Variants in CSK observed in about 807,000 individuals in gnomAD.
CSK encodes tyrosine-protein kinase CSK.
CSK carries 7 observed loss-of-function variants against 62.3 expected under a neutral mutation model. The ratio of observed to expected loss-of-function variants is 0.11; its 90% CI spans 0.06 to 0.21. The LOEUF is 0.21. CSK is among the 10% of genes least tolerant of loss of function. CSK has a pLI of 1.00. For synonymous variants in CSK, 237 were observed against 246.0 expected, an observed-to-expected ratio of 0.96 and a Z score of 0.34; for missense variants, 294 against 613.5, an observed-to-expected ratio of 0.48 and a Z score of 5.50.
intron 1 of CSK, among the ~76,000 whole-genome samples, chr15:74,796,622 A>T (rs2063710549): frequency 6.6e-6 from 1 of 151,948 alleles, no homozygotes; most frequent in Non-Finnish European, 1.5e-5. Flanking sequence ...AAAGAAAAAG[A>T]AAAAATCCAT....
chr15:74,787,777 G>A (rs2063546266), intron 1 of CSK, among the ~76,000 whole-genome samples: 1 of 152,082 alleles, frequency 6.6e-6, no homozygotes, highest in Admixed American at 6.5e-5. Flanking sequence ...TAAGCCTCGT[G>A]GGCAGGCGAA....
At position 74,782,481 on chromosome 15, in the gene CSK, C is replaced by G. The variant is rs1282833120; in HGVS notation, c.-305C>G. The G allele has an allele frequency of 6.6e-6, 1 of 151,862 alleles. No homozygotes were observed. The highest frequency in any genetic ancestry group is 6.6e-5 in the Admixed American group (1 of 15,266). The allele number at this position is 151,862 out of a possible 1,614,324, so 9.4% of individuals were successfully genotyped here. ...CCGCGCCGGCTACATTGTTTCCTCC[C>G]CCCGACTCCCTCCCGCCCCCTTCCC... On this transcript the variant is annotated 5_prime_UTR_variant, in exon 1 of 13. Coordinates refer to ENST00000220003, the MANE Select transcript of CSK (RefSeq NM_004383.3). The surrounding 1 kb of genome is among the most constrained non-coding windows in gnomAD (Gnocchi z 5.7).
intron 9 of CSK, 80 bp from the exon 10 acceptor site, chr15:74,801,442 C>A: frequency 7.0e-7 from 1 of 1,430,224 alleles, no homozygotes; most frequent in Non-Finnish European, 9.6e-7. Context: ...AGTGTCAACA[C>A]CCACCCGGCC....
intron 1 of CSK, among the ~76,000 whole-genome samples, chr15:74,795,127 C>T (rs1567217135): frequency 6.6e-6 from 1 of 152,110 alleles, no homozygotes; most frequent in Non-Finnish European, 1.5e-5. Flanking sequence ...TTTGCTCAGA[C>T]TGCTGCATCA....
At chr15:74,787,784 C>T (rs1015727503) in intron 1 of CSK, among the ~76,000 whole-genome samples, 13 of 152,078 alleles carry the variant, frequency 8.5e-5, no homozygotes, top group East Asian at 7.7e-4. Context: ...CGTGGGCAGG[C>T]GAAAACCTGG....
chr15:74,789,819 A>G (rs561786877), intron 1 of CSK, among the ~76,000 whole-genome samples: 8 of 152,116 alleles, frequency 5.3e-5, no homozygotes, highest in African/African-American at 9.6e-5. Flanking sequence ...CTCACAATCT[A>G]TTGAGGCACT....
Position 74,798,900 on chromosome 15 carries a change from G to A in CSK, c.204G>A (p.Arg68=). Residue 68 remains arginine (R), a synonymous_variant, in exon 4 of 13, where the codon CGG becomes CGA. Transcript: ENST00000220003. The surrounding 1 kb of genome is among the most constrained non-coding windows in gnomAD (Gnocchi z 6.6). ...TCCCAGCCAACTACGTCCAGAAGCGGGAGGGCGTGAAGGCGGGTACCAAAC... is the reference window on the plus strand; with the variant it reads ...TCCCAGCCAACTACGTCCAGAAGCGAGAGGGCGTGAAGGCGGGTACCAAAC... ...GIIPANYVQK[R]EGVKAGTKLS... is the part of the protein sequence containing the mutation. 6.5e-7 allele frequency: 1 copy of A among 1,541,690 alleles called. No homozygotes were observed. Among genetic ancestry groups the A allele is most frequent in the Non-Finnish European group, 8.7e-7 (1 of 1,145,170 alleles).
chr15:74,782,780 T>TA lies in CSK; in HGVS notation c.-66+61dup, dbSNP rs1465270765. 6.6e-6 allele frequency: 1 copy of TA among 152,468 alleles called. No individual in the cohort carries two copies. The highest frequency in any genetic ancestry group is 1.5e-5 in the Non-Finnish European group (1 of 68,254). 9.4% of individuals were successfully genotyped at this position (152,468 alleles called of 1,614,324 possible). On this transcript the variant is annotated intron_variant, in intron 1 of 12. Coordinates refer to ENST00000220003, the MANE Select transcript of CSK (RefSeq NM_004383.3). The surrounding 1 kb of genome is among the most constrained non-coding windows in gnomAD (Gnocchi z 5.7). ...GGGAAGAGGGTGGAGGTCGCGCGTC[T>TA]AGTCTCTGTTGCTGCCACTGTCGCG...
intron 1 of CSK, among the ~76,000 whole-genome samples, chr15:74,784,669 G>T (rs531671068): frequency 6.6e-6 from 1 of 152,192 alleles, no homozygotes; most frequent in African/African-American, 2.4e-5. Flanking sequence ...AGTGGCCCTC[G>T]GCAAGGGTTG....
rs1404853776 is a variant in CSK at position 74,798,414 on chromosome 15, C to A, written c.15+102C>A. The A allele has an allele frequency of 1.4e-6, 2 of 1,468,634 alleles. No individual in the cohort carries two copies. The highest frequency in any genetic ancestry group is 2.4e-5 in the East Asian group (1 of 40,854). 91.0% of individuals were successfully genotyped at this position (1,468,634 alleles called of 1,614,324 possible). A position where few individuals can be genotyped will look rare whatever the true frequency, so the allele number is the denominator to read the frequency against. On this transcript the variant is annotated intron_variant, in intron 2 of 12. Transcript: ENST00000220003. This position sits in a 1 kb window ranked among gnomAD's most constrained non-coding sequence, Gnocchi z 6.6. ...ATGCAGCTTAGATCAACCCACTCCCCTTTTTCCCAGCACTCAGTCAGGTAC... is the reference window on the plus strand; with the variant it reads ...ATGCAGCTTAGATCAACCCACTCCCATTTTTCCCAGCACTCAGTCAGGTAC...
At chr15:74,796,926 TTTTA>T (rs1189282709) in intron 1 of CSK, among the ~76,000 whole-genome samples, 6 of 152,086 alleles carry the variant, frequency 3.9e-5, no homozygotes, top group Admixed American at 6.6e-5. Flanking sequence ...TTGGTTAACA[TTTTA>T]TTTATTTATT....
In CSK at chr15:74,801,524, G is replaced by A. The variant is rs1235811612; in HGVS notation, c.816G>A (p.Gly272=). The change falls in exon 10 of 13, where the codon GGG becomes GGA. Residue 272 remains glycine (G), a splice_region_variant and synonymous_variant. Transcript: ENST00000220003. ...TGGTCTGTCCTTCCTGCCCCCAGGG[G>A]AGCCTTGTGGACTACCTGCGGTCTA... ...LYIVTEYMAK[G]SLVDYLRSRG... is the part of the protein sequence containing the mutation. 1 of 1,612,510 alleles carries A rather than the reference G, an allele frequency of 6.2e-7. No individual in the cohort carries two copies. Among genetic ancestry groups the A allele is most frequent in the Non-Finnish European group, 8.5e-7 (1 of 1,178,994 alleles).
intron 1 of CSK, chr15:74,793,031 T>TATTC (rs2063647886): frequency 1.3e-5 from 2 of 152,228 alleles, no homozygotes; most frequent in Admixed American, 6.5e-5. Flanking sequence ...TTTGTTCATT[T>TATTC]ATTCATTCAT....
At chr15:74,785,257 C>T (rs923212550) in intron 1 of CSK, among the ~76,000 whole-genome samples, 3 of 152,182 alleles carry the variant, frequency 2.0e-5, no homozygotes, top group Non-Finnish European at 4.4e-5. Flanking sequence ...GGCATTTTCT[C>T]ATGGTGCTAC....
In CSK at chr15:74,801,539, C is replaced by T. The variant is rs763824173; in HGVS notation, c.831C>T (p.Tyr277=). Residue 277 remains tyrosine (Y), a synonymous_variant, in exon 10 of 13, where the codon TAC becomes TAT. Coordinates refer to ENST00000220003, the MANE Select transcript of CSK (RefSeq NM_004383.3). ...EYMAKGSLVD[Y]LRSRGRSVLG... is the part of the protein sequence containing the mutation. ...GCCCCCAGGGGAGCCTTGTGGACTA[C>T]CTGCGGTCTAGGGGTCGGTCAGTGC... is the stretch of plus-strand genomic sequence containing the variant. 1.2e-6 allele frequency: 2 copies of T among 1,613,602 alleles called. No individual in the cohort carries two copies. The highest frequency in any genetic ancestry group is 8.5e-7 in the Non-Finnish European group (1 of 1,179,718).
intron 1 of CSK, among the ~76,000 whole-genome samples, chr15:74,787,312 C>T (rs1351966196): frequency 2.0e-5 from 3 of 152,164 alleles, no homozygotes; most frequent in African/African-American, 7.2e-5. Context: ...CTTTGGGTGG[C>T]TGAGCCCCTG....
Position 74,798,780 on chromosome 15 carries a change from A to AG in CSK, c.130-41dup. 1 of 1,606,538 alleles carries AG rather than the reference A, an allele frequency of 6.2e-7. No individual in the cohort carries two copies. Among genetic ancestry groups the AG allele is most frequent in the East Asian group, 2.2e-5 (1 of 44,788 alleles). ...TCCCACTGCTGGGCCTTCCCTCTGC[A>AG]GGGGGAGGTGGGCCTGAGAGCATGT... On this transcript the variant is annotated intron_variant, in intron 3 of 12. Transcript: ENST00000220003. This position sits in a 1 kb window ranked among gnomAD's most constrained non-coding sequence, Gnocchi z 6.6.
chr15:74,800,427 G>A lies in CSK; in HGVS notation c.478G>A (p.Ala160Thr). 1 of 1,613,976 alleles carries A rather than the reference G, an allele frequency of 6.2e-7. No individual in the cohort carries two copies. The highest frequency in any genetic ancestry group is 8.5e-7 in the Non-Finnish European group (1 of 1,179,956). ...CACCCTGCAGCACTACACCTCAGAC[G>A]CAGATGGACTCTGTACGCGCCTCAT... ...MQLVEHYTSD[A>T]DGLCTRLIKP... The change falls in exon 6 of 13, where the codon GCA (alanine) becomes ACA (threonine). Residue 160 changes from alanine to threonine, a missense_variant. Transcript: ENST00000220003.
At chr15:74,783,827 C>A (rs1443780551) in intron 1 of CSK, among the ~76,000 whole-genome samples, 2 of 152,194 alleles carry the variant, frequency 1.3e-5, no homozygotes, top group Non-Finnish European at 2.9e-5. Context: ...GGTGGTCAGT[C>A]CTGACCCAGC....
Sources: gnomAD v4.1 joint callset for allele counts (sites outside exome capture counted in the v4.1 genomes callset) on GRCh38, gnomAD v4.1.1 for gene constraint, Gnocchi (gnomAD v3.1) non-coding constraint, MANE v1.5 for transcripts, NCBI Gene and HGNC (gene_info 2026-07-23, HGNC 2026-07-21) for gene names.